Variants in IL17F observed in about 807,000 individuals in gnomAD.
The protein encoded by IL17F is interleukin-17F.
A neutral mutation model predicts 8.3 loss-of-function variants in IL17F; 6 were observed. The ratio of observed to expected loss-of-function variants is 0.73; its 90% CI spans 0.40 to 1.43. The LOEUF (loss-of-function observed/expected upper bound fraction) is 1.43, where lower values mean the gene tolerates loss of function less well. Among genes scored for constraint, IL17F ranks in the 40% most tolerant of loss-of-function variants. IL17F has a pLI of 0.02. For missense variants in IL17F, 204 were observed against 209.6 expected, an observed-to-expected ratio of 0.97 and a Z score of 0.17; for synonymous variants, 98 against 81.6, an observed-to-expected ratio of 1.20 and a Z score of -1.08.
rs1488403842 is a variant in IL17F at position 52,238,803 on chromosome 6, T to C, written c.181A>G (p.Ile61Val). The C allele has an allele frequency of 1.2e-6, 2 of 1,614,180 alleles. No individual in the cohort carries two copies. Among genetic ancestry groups the C allele is most frequent in the African/African-American group, 1.3e-5 (1 of 75,058 alleles). Residue 61 changes from isoleucine (I) to valine (V), a missense_variant, in exon 2 of 3, where the codon ATC (isoleucine) becomes GTC (valine). By Grantham distance (29) the Ile-to-Val change is conservative. Coordinates refer to ENST00000336123, the MANE Select transcript of IL17F (RefSeq NM_052872.4). Reference protein sequence around the residue: ...PGGSMKLDIGIINENQRVSMS... With the variant: ...PGGSMKLDIGVINENQRVSMS... ...GAAACGCGCTGGTTTTCATTGATGA[T>C]GCCAATGTCAAGCTTCATACTACCT...
At chr6:52,241,333 C>T (rs763721580) in intron 1 of IL17F, among the ~76,000 whole-genome samples, 1 of 152,116 alleles carries the variant, frequency 6.6e-6, no homozygotes. Context: ...CCACCTCGGC[C>T]TCCCAAAATG....
intron 1 of IL17F, 186 bp from the exon 2 acceptor site, chr6:52,239,136 T>A (rs1764024269): frequency 4.8e-6 from 3 of 619,866 alleles, no homozygotes; most frequent in Non-Finnish European, 5.8e-6. Context: ...AACTGAGAAC[T>A]AAACTCAGTA....
chr6:52,240,298 G>A (rs573377287), intron 1 of IL17F, among the ~76,000 whole-genome samples: 6 of 152,122 alleles, frequency 3.9e-5, no homozygotes, highest in South Asian at 2.1e-4. Flanking sequence ...TTAGCCAGGC[G>A]TGGTGGTGCA....
chr6:52,245,528 G>A (rs1562361357), upstream of IL17F, among the ~76,000 whole-genome samples: 1 of 152,204 alleles, frequency 6.6e-6, no homozygotes, highest in Non-Finnish European at 1.5e-5. Flanking sequence ...AAGGTACACA[G>A]GGCAAGGTTT....
Position 52,237,967 on chromosome 6 carries a change from G to A in IL17F, c.254+763C>T, listed in dbSNP as rs115809692. Among the ~76,000 whole-genome samples the A allele has an allele frequency of 8.8e-3, 1,344 of 152,298 alleles. 9 individuals are homozygous for A. The highest frequency in any genetic ancestry group is 0.013 in the Non-Finnish European group (860 of 68,014). ...GCAGCTTAGAGATGGGAGGCAGAGC[G>A]GATCTCTAGATCTGTCCTGCTGTGG... is the stretch of plus-strand genomic sequence containing the variant. On this transcript the variant is annotated intron_variant, in intron 2 of 2. Coordinates refer to ENST00000336123, the MANE Select transcript of IL17F (RefSeq NM_052872.4).
chr6:52,237,710 G>A (rs1408871281), intron 2 of IL17F, among the ~76,000 whole-genome samples: 1 of 152,006 alleles, frequency 6.6e-6, no homozygotes, highest in African/African-American at 2.4e-5. Context: ...CTGCCAGCTT[G>A]CCATTGTACA....
chr6:52,240,632 T>C (rs1764057446), intron 1 of IL17F, among the ~76,000 whole-genome samples: 1 of 152,022 alleles, frequency 6.6e-6, no homozygotes, highest in Admixed American at 6.6e-5. Context: ...GGTCATAGTG[T>C]CCATTTGCCA....
chr6:52,238,945 C>T lies in IL17F; in HGVS notation c.39G>A (p.Lys13=), dbSNP rs201369709. ...VKTLHGPAMV[K]YLLLSILGLA... is the part of the protein sequence containing the mutation. ...GCCCCAATATCGACAGCAGCAAGTA[C>T]TTGACCTGGAAAATAGAAGACGCTG... Residue 13 remains lysine (K), a synonymous_variant, in exon 2 of 3, where the codon AAG becomes AAA. Transcript: ENST00000336123. 2.3e-5 allele frequency: 37 copies of T among 1,612,952 alleles called. No homozygotes were observed. In the East Asian group the frequency reaches 8.0e-4, roughly 35 times the overall value.
rs937217588 is a variant in IL17F, at chr6:52,237,042, G to A, written c.381C>T (p.Thr127=). Residue 127 remains threonine (T), a synonymous_variant, in exon 3 of 3, where the codon ACC becomes ACT. Transcript: ENST00000336123. ...SMNSVPIQQE[T]LVVRRKHQGC... The stretch of plus-strand genomic sequence containing the variant: ...CTTGGTGCTTCCTCCGGACGACCAG[G>A]GTCTCTTGCTGGATGGGAACGGAAT... 4 of 1,614,186 alleles carry A rather than the reference G, an allele frequency of 2.5e-6. No individual in the cohort carries two copies. Among genetic ancestry groups the A allele is most frequent in the Non-Finnish European group, 3.4e-6 (4 of 1,180,016 alleles).
chr6:52,239,306 G>A, intron 1 of IL17F: 1 of 269,860 alleles, frequency 3.7e-6, no homozygotes, highest in Non-Finnish European at 7.2e-6. Context: ...CACTTTATGA[G>A]ACTACTAATG....
Position 52,237,105 on chromosome 6 carries a change from G to A in IL17F, c.318C>T (p.Gly106=), listed in dbSNP as rs148940532. The A allele has an allele frequency of 5.7e-4, 926 of 1,614,196 alleles. 5 individuals carry two copies. The African/African-American group carries it at 0.011, about 19-fold the overall frequency. ...CTTCCTTTCCTTGAGCATTGATGCA[G>A]CCCAAGTTCCTACACTGGGCCTGTA... ...EVVQAQCRNL[G]CINAQGKEDI... is the part of the protein sequence containing the mutation. The change falls in exon 3 of 3, where the codon GGC becomes GGT. Residue 106 remains glycine, a synonymous_variant. Coordinates refer to ENST00000336123, the MANE Select transcript of IL17F (RefSeq NM_052872.4).
intron 1 of IL17F, among the ~76,000 whole-genome samples, chr6:52,243,299 A>T (rs1444617597): frequency 1.3e-5 from 2 of 152,234 alleles, no homozygotes; most frequent in South Asian, 4.1e-4. Flanking sequence ...GTACCTCTAT[A>T]GTAAATTCTT....
intron 1 of IL17F, among the ~76,000 whole-genome samples, chr6:52,242,757 A>G (rs966384978): frequency 3.9e-5 from 6 of 152,246 alleles, no homozygotes; most frequent in African/African-American, 1.4e-4. Context: ...ACTTCAGTGG[A>G]TTGATCAGAA....
intron 1 of IL17F, among the ~76,000 whole-genome samples, chr6:52,243,541 C>A (rs1764106832): frequency 6.6e-6 from 1 of 152,178 alleles, no homozygotes; most frequent in Non-Finnish European, 1.5e-5. Flanking sequence ...ATCATTAAAC[C>A]TCTTGAGGCC....
upstream of IL17F, among the ~76,000 whole-genome samples, chr6:52,245,505 A>G (rs1328459813): frequency 2.0e-5 from 3 of 152,254 alleles, no homozygotes; most frequent in African/African-American, 7.2e-5. Context: ...ATACAAGTCA[A>G]CAGCCAGATG....
At chr6:52,244,237 TTTTC>T (rs1466984752) in intron 1 of IL17F, among the ~76,000 whole-genome samples, 156 bp downstream of exon 1, 2 of 152,224 alleles carry the variant, frequency 1.3e-5, no homozygotes, top group Non-Finnish European at 2.9e-5. Flanking sequence ...CTAGTTATTT[TTTTC>T]TTTTTCTCCA....
chr6:52,241,065 C>CGTTT (rs58639265), intron 1 of IL17F, among the ~76,000 whole-genome samples: 24,908 of 149,902 alleles, frequency 0.17, 3,392 homozygotes, highest in African/African-American at 0.37. Context: ...ACTGCTATGG[C>CGTTT]GTTTGTTTGT....
intron 2 of IL17F, among the ~76,000 whole-genome samples, chr6:52,237,853 A>C (rs1174312079): frequency 3.3e-5 from 5 of 152,100 alleles, no homozygotes; most frequent in Non-Finnish European, 7.4e-5. Context: ...GAGAACCCAA[A>C]CATCTCAGAG....
rs767158385 is a variant in IL17F, at chr6:52,237,003, A to G, written c.420T>C (p.Ser140=). 14 of 1,614,228 alleles carry G rather than the reference A, an allele frequency of 8.7e-6. No individual in the cohort carries two copies. Among genetic ancestry groups the G allele is most frequent in the Middle Eastern group, 1.6e-4 (1 of 6,062 alleles). Reference sequence around the variant, plus strand: ...TCACCAGCACCTTCTCCAACTGGAAAGAAACAGAGCAGCCTTGGTGCTTCC... The same window carrying G: ...TCACCAGCACCTTCTCCAACTGGAAGGAAACAGAGCAGCCTTGGTGCTTCC... ...VRRKHQGCSV[S]FQLEKVLVTV... is the part of the protein sequence containing the mutation. The change falls in exon 3 of 3, where the codon TCT becomes TCC. Residue 140 remains serine (S), a synonymous_variant. Transcript: ENST00000336123.
Sources: gnomAD v4.1 joint callset for allele counts (sites outside exome capture counted in the v4.1 genomes callset) on GRCh38, gnomAD v4.1.1 for gene constraint, MANE v1.5 for transcripts, NCBI Gene and HGNC (gene_info 2026-07-23, HGNC 2026-07-21) for gene names.